Variants in DENND1A observed in about 807,000 individuals in gnomAD.
The protein encoded by DENND1A is DENN domain containing 1A, also known as DENN domain-containing protein 1A.
In DENND1A, 51 loss-of-function variants were observed where a neutral mutation model predicts 113.7. The observed-to-expected ratio is 0.45, with a 90% confidence interval of 0.36 to 0.57. The LOEUF is 0.57. DENND1A is among the 20% of genes least tolerant of loss of function. DENND1A has a pLI of 0.00. For missense variants in DENND1A, 1,258 were observed against 1,395.9 expected (o/e 0.90, Z 1.57); for synonymous variants, 565 against 570.8 (o/e 0.99, Z 0.14).
At chr9:123,420,237 C>G (rs1287755325) in intron 19 of DENND1A, among the ~76,000 whole-genome samples, 6 of 152,196 alleles carry the variant, frequency 3.9e-5, no homozygotes, top group Non-Finnish European at 8.8e-5. Context: ...GTCCTGGCGA[C>G]TCTGAGACAG....
At chr9:123,586,047 C>T (rs1253761169) in intron 11 of DENND1A, among the ~76,000 whole-genome samples, 2 of 151,496 alleles carry the variant, frequency 1.3e-5, no homozygotes, top group Non-Finnish European at 2.9e-5. Context: ...TGGTCTCTCA[C>T]TTCAAAGGCT....
At chr9:123,641,809 C>T (rs890427715) in intron 9 of DENND1A, among the ~76,000 whole-genome samples, 9 of 152,094 alleles carry the variant, frequency 5.9e-5, no homozygotes, top group South Asian at 4.1e-4. Flanking sequence ...ATCAATCATC[C>T]GGGGAACCTC....
intron 1 of DENND1A, among the ~76,000 whole-genome samples, chr9:123,893,576 T>C (rs1460686397): frequency 2.6e-5 from 4 of 152,194 alleles, no homozygotes; most frequent in African/African-American, 9.7e-5. Context: ...TATACATTTG[T>C]CACTTATTGC....
rs568651332 is a variant in DENND1A, at chr9:123,839,752, T to C, written c.88+39199A>G. 8.5e-5 allele frequency among the ~76,000 whole-genome samples: 13 copies of C among 152,360 alleles called. No individual in the cohort carries two copies. The East Asian group carries it at 2.5e-3, about 29-fold the overall frequency. On this transcript the variant is annotated intron_variant, in intron 2 of 23. Transcript: ENST00000394215. ...GCAGATTCCCTCATTCTTGTGCAAA[T>C]ACAATCTGTCTATCAACATATTAGC...
chr9:123,472,542 C>T lies in DENND1A; in HGVS notation c.994-14645G>A, dbSNP rs147721396. ...CAAAAATATAGCTCCTCAGCATGTC[C>T]GGTACACCCCGCCCAGCCCTGAACA... On this transcript the variant is annotated intron_variant, in intron 13 of 23. Coordinates refer to ENST00000394215, the MANE Select transcript of DENND1A (RefSeq NM_001352964.2). 3.1e-3 allele frequency among the ~76,000 whole-genome samples: 470 copies of T among 152,258 alleles called. 1 individual carries two copies. Among genetic ancestry groups the T allele is most frequent in the African/African-American group, 0.01 (430 of 41,532 alleles).
rs1828906193 is a variant in DENND1A, at chr9:123,766,857, A to G, written c.182+2657T>C. ...TTAAAACAACACACGAGACAGCAAGATGTCAATGTTAACGGGTGATTTGAT... is the reference window on the plus strand; with the variant it reads ...TTAAAACAACACACGAGACAGCAAGGTGTCAATGTTAACGGGTGATTTGAT... On this transcript the variant is annotated intron_variant, in intron 4 of 23. Transcript: ENST00000394215. 2.0e-5 allele frequency among the ~76,000 whole-genome samples: 3 copies of G among 152,248 alleles called. No individual in the cohort carries two copies. The South Asian group carries it at 6.2e-4, about 31-fold the overall frequency.
At chr9:123,418,548 G>A (rs1386546077) in intron 19 of DENND1A, among the ~76,000 whole-genome samples, 1 of 152,230 alleles carries the variant, frequency 6.6e-6, no homozygotes, top group African/African-American at 2.4e-5. Flanking sequence ...GCACAGGGCT[G>A]CAGGGTGGAA....
chr9:123,451,278 C>T (rs1564513388), intron 17 of DENND1A, among the ~76,000 whole-genome samples: 1 of 152,094 alleles, frequency 6.6e-6, no homozygotes, highest in African/African-American at 2.4e-5. Context: ...CTGGCAGCCA[C>T]CCATCCTGCT....
chr9:123,567,419 A>G (rs2058114916), intron 12 of DENND1A, among the ~76,000 whole-genome samples: 1 of 152,166 alleles, frequency 6.6e-6, no homozygotes, highest in East Asian at 1.9e-4. Context: ...TTTACAACAC[A>G]ACATCCACCA....
At chr9:123,641,160 A>G (rs1443972942) in intron 9 of DENND1A, among the ~76,000 whole-genome samples, 1 of 152,240 alleles carries the variant, frequency 6.6e-6, no homozygotes, top group Non-Finnish European at 1.5e-5. Context: ...CCTTGCTCCC[A>G]GTGTCATAAG....
At chr9:123,826,521 C>T (rs1035550186) in intron 2 of DENND1A, among the ~76,000 whole-genome samples, 4 of 152,206 alleles carry the variant, frequency 2.6e-5, no homozygotes, top group Middle Eastern at 3.2e-3. Context: ...TACACATTTC[C>T]TTTCCTCCAC....
intron 5 of DENND1A, among the ~76,000 whole-genome samples, chr9:123,708,773 A>C (rs1351217640): frequency 6.6e-6 from 1 of 152,174 alleles, no homozygotes; most frequent in Non-Finnish European, 1.5e-5. Flanking sequence ...AAAAACAAAA[A>C]AAGAAAAGAC....
At chr9:123,644,135 A>G (rs1008124890) in intron 9 of DENND1A, among the ~76,000 whole-genome samples, 6 of 152,160 alleles carry the variant, frequency 3.9e-5, no homozygotes, top group Non-Finnish European at 7.3e-5. Context: ...AAGGGAGAAG[A>G]AAACCCACAA....
In DENND1A at chr9:123,863,442, AAC is replaced by A. The variant is rs1845344292; in HGVS notation, c.88+15507_88+15508del. Among the ~76,000 whole-genome samples the A allele has an allele frequency of 3.3e-5, 5 of 152,236 alleles. No homozygotes were observed. The South Asian group carries it at 1.0e-3, about 32-fold the overall frequency. On this transcript the variant is annotated intron_variant, in intron 2 of 23. Transcript: ENST00000394215. Reference sequence around the variant, plus strand: ...AGGTATGTTTTGGAGAAAAGGAAGAAACACATGGTGGGGCTTAGAGCAAAACC... The same window carrying A: ...AGGTATGTTTTGGAGAAAAGGAAGAAACATGGTGGGGCTTAGAGCAAAACC...
intron 9 of DENND1A, among the ~76,000 whole-genome samples, chr9:123,636,222 G>T (rs959217728): frequency 6.6e-6 from 1 of 152,074 alleles, no homozygotes; most frequent in Non-Finnish European, 1.5e-5. Flanking sequence ...CTTGGCCCCT[G>T]ATACTCTGAA....
At chr9:123,449,265 G>A (rs767811065) in intron 18 of DENND1A, among the ~76,000 whole-genome samples, 9 of 152,288 alleles carry the variant, frequency 5.9e-5, no homozygotes, top group African/African-American at 7.2e-5. Context: ...GGCCAGACGC[G>A]GTGGCTCACA....
At chr9:123,396,061 A>G (rs915295791) in intron 21 of DENND1A, among the ~76,000 whole-genome samples, 3 of 152,110 alleles carry the variant, frequency 2.0e-5, no homozygotes, top group African/African-American at 4.8e-5. Flanking sequence ...GGAGACGCAC[A>G]GGGGATTGTG....
At chr9:123,910,584 T>A (rs1853778931) in intron 1 of DENND1A, among the ~76,000 whole-genome samples, 1 of 152,066 alleles carries the variant, frequency 6.6e-6, no homozygotes, top group Non-Finnish European at 1.5e-5. Context: ...ACAGAACACA[T>A]CAAAAAGTAA....
At chr9:123,444,329 T>C (rs1479433737) in intron 18 of DENND1A, among the ~76,000 whole-genome samples, 1 of 152,182 alleles carries the variant, frequency 6.6e-6, no homozygotes, top group Non-Finnish European at 1.5e-5. Context: ...TATTAAATAA[T>C]GTATATATGT....
Sources: allele counts gnomAD v4.1 joint callset (sites outside exome capture counted in the v4.1 genomes callset), GRCh38; gene constraint gnomAD v4.1.1; transcripts MANE v1.5; gene names NCBI Gene and HGNC (gene_info 2026-07-23, HGNC 2026-07-21).